The following EIF2D variants were observed in gnomAD, a reference collection of about 807,000 sequenced individuals.
The protein encoded by EIF2D is eukaryotic translation initiation factor 2D, also known as hepatocellular carcinoma-associated antigen 56.
In EIF2D, 56 loss-of-function variants were observed where a neutral mutation model predicts 77.4. The ratio of observed to expected loss-of-function variants is 0.72; its 90% CI spans 0.58 to 0.90. The LOEUF (loss-of-function observed/expected upper bound fraction) is 0.90, where lower values mean the gene tolerates loss of function less well. Ranked by LOEUF, EIF2D falls within the 40% of genes least tolerant of loss-of-function variation. EIF2D has a pLI of 0.00. For synonymous variants in EIF2D, 230 were observed against 271.0 expected, an observed-to-expected ratio of 0.85 and a Z score of 1.49; for missense variants, 574 against 706.5, an observed-to-expected ratio of 0.81 and a Z score of 2.13.
rs2102270924 is a variant in EIF2D at position 206,591,700 on chromosome 1, T to C, written c.*75A>G. The C allele has an allele frequency of 7.5e-7, 1 of 1,327,920 alleles. No individual in the cohort carries two copies. The highest frequency in any genetic ancestry group is 1.8e-4 in the Middle Eastern group (1 of 5,452). 82.3% of individuals were successfully genotyped at this position (1,327,920 alleles called of 1,614,324 possible). The stretch of plus-strand genomic sequence containing the variant: ...AATTATATTTTGTATTTGCAAAAGC[T>C]GAAAATGCTCATAAAAATTACCAGC... On this transcript the variant is annotated 3_prime_UTR_variant, in exon 15 of 15. Coordinates refer to ENST00000271764, the MANE Select transcript of EIF2D (RefSeq NM_006893.3).
At chr1:206,611,756 T>C (rs1198889629) in intron 1 of EIF2D, among the ~76,000 whole-genome samples, 18 of 152,232 alleles carry the variant, frequency 1.2e-4, no homozygotes, top group African/African-American at 1.9e-4. Flanking sequence ...ATGAGACCTA[T>C]AGACAACTAT....
intron 7 of EIF2D, chr1:206,600,543 C>G: frequency 2.2e-6 from 1 of 460,814 alleles, no homozygotes; most frequent in Non-Finnish European, 3.9e-6. Flanking sequence ...TCTGTGTTGT[C>G]TAACAGGGCA....
rs1283777252 is a variant in EIF2D, at chr1:206,612,419, G to A, written c.-77C>T. 1.1e-5 allele frequency: 17 copies of A among 1,589,302 alleles called. No individual in the cohort carries two copies. The highest frequency in any genetic ancestry group is 1.4e-5 in the Non-Finnish European group (16 of 1,158,412). On this transcript the variant is annotated 5_prime_UTR_variant, in exon 1 of 15. Transcript: ENST00000271764. ...AAAGCGAGGGCGCAGCAGCTGCCAG[G>A]CCCTCAGCCGTGGGGGCAGCCATGC...
downstream of EIF2D, chr1:206,589,116 G>A (rs1669255995): frequency 1.3e-5 from 2 of 152,680 alleles, no homozygotes; most frequent in African/African-American, 4.8e-5. Context: ...GTATAGTATC[G>A]AGTACCCGTT....
At chr1:206,604,114 T>C (rs1553412069) in intron 5 of EIF2D, among the ~76,000 whole-genome samples, 1 of 152,142 alleles carries the variant, frequency 6.6e-6, no homozygotes, top group Non-Finnish European at 1.5e-5. Context: ...AATGAGCTTG[T>C]ACCAGCAAAG....
chr1:206,595,919 G>T (rs1669624330), intron 12 of EIF2D, 81 bp from the exon 13 acceptor site: 2 of 1,563,130 alleles, frequency 1.3e-6, no homozygotes, highest in African/African-American at 1.4e-5. Flanking sequence ...CAGGCAGTTA[G>T]GTGTAGGCTG....
At chr1:206,571,370 T>C (rs1267851473) in exon 6 of EIF2D, 3 of 152,076 alleles carry the variant, frequency 2.0e-5, no homozygotes, top group Admixed American at 6.6e-5. Context: ...ACTCTCTAAA[T>C]TGGCCTGAAA....
Position 206,599,035 on chromosome 1 carries a change from C to G in EIF2D, c.1260G>C (p.Lys420Asn). Residue 420 changes from lysine to asparagine, a missense_variant, in exon 11 of 15, where the codon AAG (lysine) becomes AAC (asparagine). Lys to Asn is a moderately conservative substitution (Grantham distance 94, BLOSUM62 0). Coordinates refer to ENST00000271764, the MANE Select transcript of EIF2D (RefSeq NM_006893.3). The surrounding 1 kb of genome is among the most constrained non-coding windows in gnomAD (Gnocchi z 4.1). ...TGTCTGCATCAACCAGGTCATTTTT[C>G]TTGGCGTAGTTAATGACGATCGTTC... The part of the protein sequence containing the change: ...EVRTIVINYA[K>N]KNDLVDADNK... 6.2e-7 allele frequency: 1 copy of G among 1,614,170 alleles called. No individual in the cohort carries two copies.
chr1:206,597,100 C>T lies in EIF2D; in HGVS notation c.1388G>A (p.Arg463Lys), dbSNP rs1669683824. 1.2e-6 allele frequency: 2 copies of T among 1,613,384 alleles called. No individual in the cohort carries two copies. The highest frequency in any genetic ancestry group is 1.7e-6 in the Non-Finnish European group (2 of 1,179,492). Residue 463 changes from arginine to lysine, a missense_variant and splice_region_variant, in exon 12 of 15, where the codon AGG (arginine) becomes AAG (lysine). Coordinates refer to ENST00000271764, the MANE Select transcript of EIF2D (RefSeq NM_006893.3). Reference sequence around the variant, plus strand: ...GAGAGGGACTGCCAATGCTCGTTACCTGGTCAGAAGACTGTCCCATGGAAG... The same window carrying T: ...GAGAGGGACTGCCAATGCTCGTTACTTGGTCAGAAGACTGTCCCATGGAAG... ...MKLPWDSLLT[R>K]CLEKLQPAYQ...
rs371055570 is a variant in EIF2D at position 206,599,590 on chromosome 1, C to T, written c.1075G>A (p.Glu359Lys). ...HPRITSFVIP[E>K]PSPTSQTIQE... ...ATAGTCTGGGAGGTCGGGGAGGGCTCGGGTATGACGAAAGATGTAATCCTA... is the reference window on the plus strand; with the variant it reads ...ATAGTCTGGGAGGTCGGGGAGGGCTTGGGTATGACGAAAGATGTAATCCTA... The change falls in exon 10 of 15, where the codon GAG (glutamate) becomes AAG (lysine). Residue 359 changes from glutamate (E) to lysine (K), a missense_variant. Glu to Lys is a moderately conservative substitution (Grantham distance 56). Coordinates refer to ENST00000271764, the MANE Select transcript of EIF2D (RefSeq NM_006893.3). This position sits in a 1 kb window ranked among gnomAD's most constrained non-coding sequence, Gnocchi z 4.1. The T allele has an allele frequency of 2.5e-6, 4 of 1,598,794 alleles. No individual in the cohort carries two copies. Among genetic ancestry groups the T allele is most frequent in the East Asian group, 2.2e-5 (1 of 44,714 alleles).
chr1:206,602,878 C>G (rs1350512743), intron 6 of EIF2D, 73 bp downstream of exon 6: 24 of 1,569,354 alleles, frequency 1.5e-5, no homozygotes, highest in Non-Finnish European at 2.0e-5. Context: ...TTCTAGTCAG[C>G]AGTGGAGTGG....
intron 4 of EIF2D, among the ~76,000 whole-genome samples, chr1:206,575,005 G>A (rs1208791128): frequency 6.7e-5 from 10 of 149,972 alleles, no homozygotes; most frequent in African/African-American, 2.4e-4. Flanking sequence ...GATTACAGGC[G>A]CACGGATAAT....
Position 206,584,415 on chromosome 1 carries a change from T to C in EIF2D, c.139-3253A>G. 6.2e-7 allele frequency: 1 copy of C among 1,613,886 alleles called. No homozygotes were observed. The highest frequency in any genetic ancestry group is 8.5e-7 in the Non-Finnish European group (1 of 1,179,866). Reference sequence around the variant, plus strand: ...GAAGACGGCACCTACACGGGTTTCATCAAAGTGCATCTGAAACTCCGGCGG... The same window carrying C: ...GAAGACGGCACCTACACGGGTTTCACCAAAGTGCATCTGAAACTCCGGCGG... On this transcript the variant is annotated intron_variant and NMD_transcript_variant, in intron 2 of 5. Transcript: ENST00000472709. The surrounding 1 kb of genome is among the most constrained non-coding windows in gnomAD (Gnocchi z 4.9).
rs1669820400 is a variant in EIF2D at position 206,599,596 on chromosome 1, T to G, written c.1069A>C (p.Ile357Leu). Residue 357 changes from isoleucine (I) to leucine (L), a missense_variant, in exon 10 of 15, where the codon ATA (isoleucine) becomes CTA (leucine). Ile to Leu is a conservative substitution (Grantham distance 5, BLOSUM62 2). Transcript: ENST00000271764. The surrounding 1 kb of genome is among the most constrained non-coding windows in gnomAD (Gnocchi z 4.1). ...TGGGAGGTCGGGGAGGGCTCGGGTA[T>G]GACGAAAGATGTAATCCTAAAACCC... ...WKHPRITSFVIPEPSPTSQTI... is the reference protein window; with the variant it reads ...WKHPRITSFVLPEPSPTSQTI... The G allele has an allele frequency of 6.3e-7, 1 of 1,598,448 alleles. No individual in the cohort carries two copies. The highest frequency in any genetic ancestry group is 8.5e-7 in the Non-Finnish European group (1 of 1,172,378).
chr1:206,602,419 T>A lies in EIF2D; in HGVS notation c.819A>T (p.Leu273Phe). Residue 273 changes from leucine to phenylalanine, a missense_variant, in exon 7 of 15, where the codon TTA becomes TTT. Transcript: ENST00000271764. The part of the protein sequence containing the change: ...QMDELLQQCF[L>F]HALKCRVKKA... Reference sequence around the variant, plus strand: ...TTTTGACTCGGCACTTCAAGGCATGTAAGAAGCATTGCTGTAACAGCTCAT... The same window carrying A: ...TTTTGACTCGGCACTTCAAGGCATGAAAGAAGCATTGCTGTAACAGCTCAT... 2 of 1,614,222 alleles carry A rather than the reference T, an allele frequency of 1.2e-6. No homozygotes were observed. The highest frequency in any genetic ancestry group is 1.7e-6 in the Non-Finnish European group (2 of 1,180,020).
At position 206,612,294 on chromosome 1, in the gene EIF2D, AC is replaced by A; in HGVS notation, c.48del (p.Ser17ArgfsTer10). Reference sequence around the variant, plus strand: ...GCCCCTTTCCTCCCTCACCTGTCCGACCCCTTGATGGCCGTGTTGGACTTGA... The same window carrying A: ...GCCCCTTTCCTCCCTCACCTGTCCGACCCTTGATGGCCGTGTTGGACTTGA... ...FRVKSNTAIK[G>X]SDRRKLRADV... On this transcript the variant is annotated frameshift_variant, in exon 1 of 15. Coordinates refer to ENST00000271764, the MANE Select transcript of EIF2D (RefSeq NM_006893.3). LOFTEE classifies it high-confidence loss of function. The A allele has an allele frequency of 6.2e-7, 1 of 1,613,920 alleles. No homozygotes were observed. Among genetic ancestry groups the A allele is most frequent in the Non-Finnish European group, 8.5e-7 (1 of 1,179,970 alleles).
intron 2 of EIF2D, chr1:206,585,108 T>A: frequency 8.7e-7 from 1 of 1,150,656 alleles, no homozygotes; most frequent in Non-Finnish European, 1.3e-6. Flanking sequence ...GCATTTCCAA[T>A]CCTTTCCCGC....
At chr1:206,570,188 T>A (rs1668405388), downstream of EIF2D, among the ~76,000 whole-genome samples, 1 of 150,238 alleles carries the variant, frequency 6.7e-6, no homozygotes, top group Admixed American at 6.7e-5. Context: ...GCCTCCCAGG[T>A]TCAAGTGATT....
At chr1:206,609,299 G>A in intron 3 of EIF2D, 77 bp downstream of exon 3, 2 of 1,375,058 alleles carry the variant, frequency 1.5e-6, no homozygotes, top group Non-Finnish European at 1.0e-6. Flanking sequence ...CACAGGAAAT[G>A]GGTAAGTTTA....
Sources: gnomAD v4.1 joint callset for allele counts (sites outside exome capture counted in the v4.1 genomes callset) on GRCh38, gnomAD v4.1.1 for gene constraint, Gnocchi (gnomAD v3.1) non-coding constraint, MANE v1.5 for transcripts, NCBI Gene and HGNC (gene_info 2026-07-23, HGNC 2026-07-21) for gene names.